The following ZNF536 variants were observed in gnomAD, a reference collection of about 807,000 sequenced individuals.
ZNF536 encodes the protein zinc finger protein 536.
In ZNF536, 13 loss-of-function variants were observed where a neutral mutation model predicts 84.5. That is an observed-to-expected ratio of 0.15 (90% CI 0.10 to 0.24). The LOEUF (loss-of-function observed/expected upper bound fraction) is 0.24. ZNF536 is among the 10% of genes least tolerant of loss of function. The pLI is 1.00. For synonymous variants in ZNF536, 811 were observed against 742.5 expected, an observed-to-expected ratio of 1.09 and a Z score of -1.50; for missense variants, 1,536 against 1,747.5, an observed-to-expected ratio of 0.88 and a Z score of 2.16.
At chr19:30,262,791 C>T (rs544540396) in intron 1 of ZNF536, among the ~76,000 whole-genome samples, 24 of 152,282 alleles carry the variant, frequency 1.6e-4, no homozygotes, top group African/African-American at 5.8e-4. Context: ...CCCACACTGC[C>T]TCCTTGTTTG....
At chr19:30,625,715 C>T (rs1045580729) in intron 1 of ZNF536, among the ~76,000 whole-genome samples, 1 of 152,226 alleles carries the variant, frequency 6.6e-6, no homozygotes, top group Non-Finnish European at 1.5e-5. Flanking sequence ...CAAACCGTTT[C>T]TGGACAGAAA....
chr19:30,234,902 A>G (rs2144722953), intron 1 of ZNF536, among the ~76,000 whole-genome samples: 1 of 152,264 alleles, frequency 6.6e-6, no homozygotes, highest in African/African-American at 2.4e-5. Flanking sequence ...CATTTCTGAG[A>G]TTCCCTCATA....
At chr19:30,354,464 C>T (rs1236133718) in intron 3 of ZNF536, among the ~76,000 whole-genome samples, 3 of 152,188 alleles carry the variant, frequency 2.0e-5, no homozygotes, top group South Asian at 2.1e-4. Context: ...ACCTCCTGGG[C>T]TCAAGCAATC....
At chr19:30,581,509 T>G (rs564811603) in intron 1 of ZNF536, among the ~76,000 whole-genome samples, 2 of 151,676 alleles carry the variant, frequency 1.3e-5, no homozygotes, top group Non-Finnish European at 2.9e-5. Context: ...TACAGTTGCT[T>G]GTGGTGGTTG....
intron 1 of ZNF536, among the ~76,000 whole-genome samples, chr19:30,641,604 T>C (rs2049270754): frequency 6.6e-6 from 1 of 152,238 alleles, no homozygotes. Flanking sequence ...TCTTTGAACA[T>C]AAAGGCAGCT....
chr19:30,577,554 A>G (rs913197174), intron 1 of ZNF536, among the ~76,000 whole-genome samples: 2 of 152,054 alleles, frequency 1.3e-5, no homozygotes, highest in Admixed American at 6.5e-5. Context: ...GCGTTTTTAG[A>G]TATGGCCATG....
At chr19:30,428,380 A>C (rs2051305015) in intron 1 of ZNF536, among the ~76,000 whole-genome samples, 1 of 152,180 alleles carries the variant, frequency 6.6e-6, no homozygotes, top group Non-Finnish European at 1.5e-5. Context: ...ACCGTAGCAC[A>C]CTCATAGAGC....
intron 2 of ZNF536, among the ~76,000 whole-genome samples, chr19:30,490,727 G>T (rs1174132375): frequency 3.3e-5 from 5 of 152,146 alleles, no homozygotes; most frequent in African/African-American, 1.2e-4. Flanking sequence ...GTTTGCTAGG[G>T]TCCACTACCA....
chr19:30,372,056 A>G (rs1273913141), upstream of ZNF536, among the ~76,000 whole-genome samples: 1 of 152,206 alleles, frequency 6.6e-6, no homozygotes, highest in Non-Finnish European at 1.5e-5. Flanking sequence ...TATCATTTCT[A>G]TTTAGAACTG....
chr19:30,633,930 T>C (rs1380525053), intron 1 of ZNF536, among the ~76,000 whole-genome samples: 1 of 152,154 alleles, frequency 6.6e-6, no homozygotes, highest in Non-Finnish European at 1.5e-5. Flanking sequence ...GTCATCTTTT[T>C]CTTTTCTTCT....
chr19:30,705,309 A>G (rs76233203), intron 1 of ZNF536, among the ~76,000 whole-genome samples: 1 of 149,110 alleles, frequency 6.7e-6, no homozygotes, highest in East Asian at 2.0e-4. Flanking sequence ...ACTCAGAAAG[A>G]TGTGTGTGTG....
intron 1 of ZNF536, among the ~76,000 whole-genome samples, chr19:30,267,977 A>T (rs2025605118): frequency 1.3e-5 from 2 of 151,990 alleles, no homozygotes; most frequent in African/African-American, 4.8e-5. Context: ...CAGGAGGCAC[A>T]CCTATATAAT....
At chr19:30,347,136 G>A (rs1276380869) in intron 2 of ZNF536, among the ~76,000 whole-genome samples, 3 of 147,452 alleles carry the variant, frequency 2.0e-5, no homozygotes, top group Admixed American at 6.8e-5. Context: ...ATTCTTGGCC[G>A]CATGTATGCC....
chr19:30,381,473 C>T (rs916791432), intron 1 of ZNF536, among the ~76,000 whole-genome samples: 12 of 152,124 alleles, frequency 7.9e-5, no homozygotes, highest in African/African-American at 2.9e-4. Flanking sequence ...GGAAGTGACG[C>T]TTGATCTGGG....
In ZNF536 at chr19:30,445,452, C is replaced by T. The variant is rs1171030127; in HGVS notation, c.1890C>T (p.Pro630=). 1 of 1,614,164 alleles carries T rather than the reference C, an allele frequency of 6.2e-7. No individual in the cohort carries two copies. Among genetic ancestry groups the T allele is most frequent in the Admixed American group, 1.7e-5 (1 of 60,030 alleles). The change falls in exon 2 of 5, where the codon CCC becomes CCT. Residue 630 remains proline, a synonymous_variant. Transcript: ENST00000355537. The surrounding 1 kb of genome is among the most constrained non-coding windows in gnomAD (Gnocchi z 4.5). ...LQGPGNMKEK[P]TECPDCGRVF... ...GTCCTGGGAACATGAAGGAGAAGCC[C>T]ACCGAGTGCCCCGACTGCGGCCGGG...
intron 2 of ZNF536, among the ~76,000 whole-genome samples, chr19:30,513,325 C>T (rs900662717): frequency 1.8e-4 from 27 of 152,092 alleles, no homozygotes; most frequent in East Asian, 5.8e-4. Context: ...GTGAAATCAG[C>T]GCCTAGGTTC....
chr19:30,439,559 G>A (rs889203470), intron 1 of ZNF536, among the ~76,000 whole-genome samples: 1 of 152,178 alleles, frequency 6.6e-6, no homozygotes, highest in African/African-American at 2.4e-5. Context: ...TCTAAGTCGA[G>A]CAGCAGGCAT....
chr19:30,690,686 C>A (rs1215825414), intron 1 of ZNF536, among the ~76,000 whole-genome samples: 3 of 152,048 alleles, frequency 2.0e-5, no homozygotes, highest in Non-Finnish European at 4.4e-5. Context: ...ACCCAGCTGC[C>A]CCATTTCCTG....
intron 1 of ZNF536, among the ~76,000 whole-genome samples, chr19:30,248,349 C>T (rs144980048): frequency 0.018 from 2,686 of 151,100 alleles, 77 homozygotes; most frequent in African/African-American, 0.062. Flanking sequence ...CATGCCTCAG[C>T]CTCCCAAGGT....
Sources: gnomAD v4.1 joint callset for allele counts (sites outside exome capture counted in the v4.1 genomes callset) on GRCh38, gnomAD v4.1.1 for gene constraint, Gnocchi (gnomAD v3.1) non-coding constraint, MANE v1.5 for transcripts, NCBI Gene and HGNC (gene_info 2026-07-23, HGNC 2026-07-21) for gene names.